WDR43: variants seen among roughly 807,000 people sequenced by gnomAD.
The protein encoded by WDR43 is WD repeat-containing protein 43.
A neutral mutation model predicts 91.4 loss-of-function variants in WDR43; 13 were observed. The observed-to-expected ratio is 0.14, with a 90% confidence interval of 0.09 to 0.23. WDR43 has a LOEUF of 0.23. Among genes scored for constraint, WDR43 ranks in the 10% least tolerant of loss-of-function variants. The probability of loss-of-function intolerance (pLI) is 1.00; values close to 1 mark genes in which losing one functional copy is unlikely to be tolerated. For synonymous variants in WDR43, 331 were observed against 287.9 expected, an observed-to-expected ratio of 1.15 and a Z score of -1.51; for missense variants, 780 against 809.4, an observed-to-expected ratio of 0.96 and a Z score of 0.44.
chr2:28,932,172 T>G (rs1671260369), intron 11 of WDR43, among the ~76,000 whole-genome samples: 1 of 152,016 alleles, frequency 6.6e-6, no homozygotes. Flanking sequence ...TTCAGAAAAT[T>G]TTTATTCTAT....
At position 28,902,121 on chromosome 2, in the gene WDR43, A is replaced by T; in HGVS notation, c.360A>T (p.Leu120Phe). ...STVKGELHSK[L>F]ISGGHDNRVN... ...TAAAAGGAGAGTTACACAGTAAATT[A>T]ATAGTAAGTGTGTGTATATTTTATT... Residue 120 changes from leucine to phenylalanine, a missense_variant, in exon 2 of 18, where the codon TTA (leucine) becomes TTT (phenylalanine). Physicochemically the swap from Leu to Phe is conservative, Grantham distance 22 (BLOSUM62 0). Coordinates refer to ENST00000407426, the MANE Select transcript of WDR43 (RefSeq NM_015131.3). The T allele has an allele frequency of 1.3e-6, 2 of 1,564,468 alleles. No individual in the cohort carries two copies. Among genetic ancestry groups the T allele is most frequent in the Non-Finnish European group, 1.7e-6 (2 of 1,156,244 alleles).
chr2:28,901,881 C>G lies in WDR43; in HGVS notation c.226-106C>G, dbSNP rs974509523. ...TCACCCAATAGCTTCTCTCTTCCCC[C>G]CTTTTAAAATGTCTTTTGTGGGCTG... On this transcript the variant is annotated intron_variant, in intron 1 of 17. Transcript: ENST00000407426. 6.3e-6 allele frequency: 7 copies of G among 1,115,710 alleles called. No individual in the cohort carries two copies. In the South Asian group the frequency reaches 1.1e-4, roughly 18 times the overall value. The allele number at this position is 1,115,710 out of a possible 1,614,324, so 69.1% of individuals were successfully genotyped here. A position where few individuals can be genotyped will look rare whatever the true frequency, so the allele number is the denominator to read the frequency against.
intron 2 of WDR43, 118 bp from the exon 3 acceptor site, chr2:28,906,342 C>T: frequency 1.0e-6 from 1 of 1,002,304 alleles, no homozygotes; most frequent in Non-Finnish European, 1.4e-6. Flanking sequence ...CACGTGTGGG[C>T]CAGGAGCACT....
intron 5 of WDR43, among the ~76,000 whole-genome samples, chr2:28,916,974 T>G (rs1670923147): frequency 6.6e-6 from 1 of 152,218 alleles, no homozygotes; most frequent in Non-Finnish European, 1.5e-5. Flanking sequence ...TGAGTGAAGC[T>G]TATTTAACAC....
intron 16 of WDR43, among the ~76,000 whole-genome samples, chr2:28,943,682 G>A (rs560318921): frequency 1.8e-4 from 28 of 152,258 alleles, no homozygotes; most frequent in Middle Eastern, 3.4e-3. Flanking sequence ...TTTATTGATG[G>A]TGTGTATTGT....
intron 2 of WDR43, 63 bp downstream of exon 2, chr2:28,902,187 T>TAAA: frequency 7.4e-7 from 1 of 1,343,966 alleles, no homozygotes; most frequent in Admixed American, 2.6e-5. Context: ...TAGAGATTAT[T>TAAA]AAAAAAAAAA....
At chr2:28,937,722 C>T (rs1287651165) in intron 13 of WDR43, among the ~76,000 whole-genome samples, 3 of 152,052 alleles carry the variant, frequency 2.0e-5, no homozygotes, top group African/African-American at 7.2e-5. Context: ...GATGTGGCCC[C>T]CAATCCCTGC....
intron 14 of WDR43, 75 bp from the exon 15 acceptor site, chr2:28,941,386 G>A: frequency 8.9e-7 from 1 of 1,125,836 alleles, no homozygotes; most frequent in Non-Finnish European, 1.3e-6. Flanking sequence ...AAATACTGAG[G>A]CATAGCTGAG....
rs1363344075 is a variant in WDR43, at chr2:28,917,909, A to G, written c.763A>G (p.Asn255Asp). ...GTTATCTAGGCAGGTCCGATCAGAA[A>G]ACAAAGAAAAGAGTGCAGTGATGTC... Reference protein sequence around the residue: ...LLNVWQVRSENKEKSAVMSFT... With the variant: ...LLNVWQVRSEDKEKSAVMSFT... Residue 255 changes from asparagine to aspartate, a missense_variant, in exon 6 of 18, where the codon AAC becomes GAC. Transcript: ENST00000407426. The G allele has an allele frequency of 6.3e-7, 1 of 1,582,570 alleles. No individual in the cohort carries two copies. Among genetic ancestry groups the G allele is most frequent in the Admixed American group, 1.8e-5 (1 of 55,266 alleles).
chr2:28,925,295 AT>A, intron 8 of WDR43, 142 bp downstream of exon 8: 2 of 927,592 alleles, frequency 2.2e-6, no homozygotes, highest in Non-Finnish European at 3.0e-6. Flanking sequence ...GGAGTGGTTT[AT>A]TTTAATTTTG....
intron 2 of WDR43, among the ~76,000 whole-genome samples, chr2:28,903,326 G>T (rs564952885): frequency 6.6e-6 from 1 of 152,154 alleles, no homozygotes; most frequent in South Asian, 2.1e-4. Flanking sequence ...AAATTAGTGA[G>T]CCAAAGGGTT....
chr2:28,903,187 T>G (rs187351503), intron 2 of WDR43, among the ~76,000 whole-genome samples: 1 of 152,324 alleles, frequency 6.6e-6, no homozygotes, highest in Admixed American at 6.5e-5. Flanking sequence ...TAGTGACTGC[T>G]TAAAATCCCA....
At chr2:28,895,025 G>A in intron 1 of WDR43, 102 bp downstream of exon 1, 2 of 1,227,578 alleles carry the variant, frequency 1.6e-6, no homozygotes, top group Non-Finnish European at 1.1e-6. Flanking sequence ...GGCTCTCAGC[G>A]GCCCGGGCCA....
At chr2:28,900,384 A>G (rs1165936183) in intron 1 of WDR43, among the ~76,000 whole-genome samples, 1 of 152,044 alleles carries the variant, frequency 6.6e-6, no homozygotes, top group Non-Finnish European at 1.5e-5. Flanking sequence ...GGGTTTCACC[A>G]TGTTGGCCAG....
At chr2:28,898,481 T>C (rs1021538457) in intron 1 of WDR43, among the ~76,000 whole-genome samples, 6 of 152,252 alleles carry the variant, frequency 3.9e-5, no homozygotes, top group Non-Finnish European at 2.9e-5. Flanking sequence ...AAATACTGTA[T>C]GTGATTTTTT....
chr2:28,913,351 C>G (rs4666130), intron 4 of WDR43, among the ~76,000 whole-genome samples: 102,485 of 151,806 alleles, frequency 0.68, 35,168 homozygotes, highest in East Asian at 0.85. Context: ...CAGATTTTGA[C>G]ACAGGGTCTC....
intron 14 of WDR43, among the ~76,000 whole-genome samples, chr2:28,939,715 TA>T (rs1671398707): frequency 6.6e-6 from 1 of 152,246 alleles, no homozygotes; most frequent in Non-Finnish European, 1.5e-5. Context: ...CTTGCTTTAC[TA>T]ATTTTTGTGT....
At chr2:28,896,071 G>T (rs1670475149) in intron 1 of WDR43, among the ~76,000 whole-genome samples, 1 of 151,766 alleles carries the variant, frequency 6.6e-6, no homozygotes, top group Admixed American at 6.6e-5. Flanking sequence ...AACCTATCAG[G>T]GCTTATAAGT....
chr2:28,930,454 A>G (rs1004037750), intron 11 of WDR43, among the ~76,000 whole-genome samples: 3 of 152,340 alleles, frequency 2.0e-5, no homozygotes, highest in African/African-American at 7.2e-5. Context: ...AGTGAGTGTC[A>G]ATGTGACTTT....
Sources: allele counts gnomAD v4.1 joint callset (sites outside exome capture counted in the v4.1 genomes callset), GRCh38; gene constraint gnomAD v4.1.1; transcripts MANE v1.5; gene names NCBI Gene and HGNC (gene_info 2026-07-23, HGNC 2026-07-21).